The following WDFY3 variants were observed in gnomAD, a reference collection of about 807,000 sequenced individuals.
The protein encoded by WDFY3 is WD repeat and FYVE domain containing 3.
WDFY3 carries 66 observed loss-of-function variants against 409.6 expected under a neutral mutation model. The ratio of observed to expected loss-of-function variants is 0.16; its 90% CI spans 0.13 to 0.20. WDFY3 has a LOEUF of 0.20. WDFY3 is among the 10% of genes least tolerant of loss of function. WDFY3 has a pLI of 1.00. For synonymous variants in WDFY3, 1,521 were observed against 1,537.1 expected, an observed-to-expected ratio of 0.99 and a Z score of 0.25; for missense variants, 3,031 against 4,298.1, an observed-to-expected ratio of 0.71 and a Z score of 8.24.
intron 1 of WDFY3, among the ~76,000 whole-genome samples, chr4:84,932,930 T>G (rs1229357801): frequency 1.3e-5 from 2 of 152,196 alleles, no homozygotes; most frequent in African/African-American, 4.8e-5. Context: ...TCCTTTCATT[T>G]ACCAGTCAAT....
At chr4:84,795,767 G>GAA (rs1265681962) in intron 19 of WDFY3, among the ~76,000 whole-genome samples, 1 of 132,556 alleles carries the variant, frequency 7.5e-6, no homozygotes, top group African/African-American at 2.7e-5. Flanking sequence ...GACTCAAAAG[G>GAA]AAAAAAAAAA....
Position 84,850,043 on chromosome 4 carries a change from C to G in WDFY3, c.181-18G>C. 6.4e-7 allele frequency: 1 copy of G among 1,562,084 alleles called. No homozygotes were observed. Among genetic ancestry groups the G allele is most frequent in the Non-Finnish European group, 8.6e-7 (1 of 1,157,064 alleles). On this transcript the variant is annotated intron_variant, in intron 4 of 67. Transcript: ENST00000295888. ...CCAAAAACCTGTAGATAAGAAAAGA[C>G]ATTGTTAATGAAGCACTGACAAATT...
chr4:84,909,625 C>A (rs1014207086), intron 2 of WDFY3, among the ~76,000 whole-genome samples: 2 of 151,870 alleles, frequency 1.3e-5, no homozygotes, highest in African/African-American at 4.8e-5. Flanking sequence ...AAAATTATTC[C>A]TTATAAAATA....
intron 1 of WDFY3, among the ~76,000 whole-genome samples, chr4:84,961,059 G>A (rs1774853884): frequency 2.0e-5 from 3 of 151,720 alleles, no homozygotes; most frequent in Admixed American, 1.3e-4. Flanking sequence ...TACTAAAAAT[G>A]CAAAAATTAG....
intron 3 of WDFY3, among the ~76,000 whole-genome samples, chr4:84,883,315 T>TA (rs1763788028): frequency 6.6e-6 from 1 of 152,166 alleles, no homozygotes; most frequent in African/African-American, 2.4e-5. Context: ...ATATATTAGG[T>TA]AAATCTATCT....
chr4:84,786,925 G>C (rs969330876), intron 23 of WDFY3, among the ~76,000 whole-genome samples: 1 of 152,126 alleles, frequency 6.6e-6, no homozygotes, highest in African/African-American at 2.4e-5. Flanking sequence ...GAGATTCTTG[G>C]TGGAATCAGA....
intron 2 of WDFY3, among the ~76,000 whole-genome samples, chr4:84,902,638 A>G (rs1223385006): frequency 6.6e-6 from 1 of 152,194 alleles, no homozygotes; most frequent in Non-Finnish European, 1.5e-5. Flanking sequence ...GTACATCCCA[A>G]AGTCCCTAGC....
chr4:84,813,255 C>T (rs928953673), intron 13 of WDFY3, among the ~76,000 whole-genome samples: 11 of 152,052 alleles, frequency 7.2e-5, no homozygotes, highest in Admixed American at 5.9e-4. Flanking sequence ...TGGCTCTCAG[C>T]GCTACTTTTT....
At chr4:84,696,409 C>T (rs566922140) in intron 57 of WDFY3, among the ~76,000 whole-genome samples, 1 of 152,282 alleles carries the variant, frequency 6.6e-6, no homozygotes, top group South Asian at 2.1e-4. Flanking sequence ...ACAGAGATCA[C>T]ATTCACATAG....
At chr4:84,919,734 C>T (rs564245218) in intron 2 of WDFY3, among the ~76,000 whole-genome samples, 49 of 152,258 alleles carry the variant, frequency 3.2e-4, no homozygotes, top group African/African-American at 1.0e-3. Flanking sequence ...CCCCTTCCAC[C>T]ATGATTGTAA....
intron 3 of WDFY3, among the ~76,000 whole-genome samples, chr4:84,880,674 C>CACACAT (rs1218696740): frequency 3.6e-4 from 18 of 50,358 alleles, no homozygotes; most frequent in Non-Finnish European, 5.4e-4. Context: ...GGGAACCATA[C>CACACAT]ATATATATAT....
chr4:84,747,711 T>G lies in WDFY3; in HGVS notation c.5973+3772A>C, dbSNP rs1004751768. ...TGATAGTGAGTGAGTTCTCATGAGA[T>G]CTGATGGTTTTATAAGGGGGTTTTC... On this transcript the variant is annotated intron_variant, in intron 36 of 67. Coordinates refer to ENST00000295888, the MANE Select transcript of WDFY3 (RefSeq NM_014991.6). Among the ~76,000 whole-genome samples, 60 of 152,026 alleles carry G rather than the reference T, an allele frequency of 3.9e-4. 1 individual carries two copies. The highest frequency in any genetic ancestry group is 3.7e-3 in the Admixed American group (57 of 15,270).
intron 3 of WDFY3, among the ~76,000 whole-genome samples, chr4:84,895,855 T>C (rs1388863476): frequency 6.6e-5 from 10 of 152,024 alleles, no homozygotes; most frequent in Admixed American, 5.9e-4. Flanking sequence ...GAATTCCAGG[T>C]TGGGTGATAC....
At chr4:84,767,632 A>G (rs1334462408) in intron 30 of WDFY3, among the ~76,000 whole-genome samples, 10 of 152,110 alleles carry the variant, frequency 6.6e-5, no homozygotes, top group South Asian at 2.1e-4. Context: ...ATAAAAAAAA[A>G]AAAAGAAAAG....
chr4:84,737,391 CAAA>C, intron 40 of WDFY3, 25 bp from the exon 41 acceptor site: 1 of 1,521,002 alleles, frequency 6.6e-7, no homozygotes, highest in Non-Finnish European at 8.8e-7. Flanking sequence ...AACAAACAAA[CAAA>C]AAAGTAAGCA....
chr4:84,678,140 G>C (rs1443606415), intron 66 of WDFY3, 28 bp downstream of exon 66: 6 of 1,570,386 alleles, frequency 3.8e-6, no homozygotes, highest in Admixed American at 1.7e-5. Context: ...CAGATGGGAA[G>C]CGGAGCTGGA....
At chr4:84,860,203 A>T (rs1208120716) in intron 4 of WDFY3, among the ~76,000 whole-genome samples, 1 of 152,214 alleles carries the variant, frequency 6.6e-6, no homozygotes, top group African/African-American at 2.4e-5. Context: ...TAAAAATCAA[A>T]AAGTCTCACT....
chr4:84,771,978 T>C (rs1240014999), intron 30 of WDFY3, among the ~76,000 whole-genome samples: 1 of 152,154 alleles, frequency 6.6e-6, no homozygotes, highest in Non-Finnish European at 1.5e-5. Context: ...CACTTTCTCC[T>C]ACTCATGAAG....
In WDFY3 at chr4:84,692,995, C is replaced by T. The variant is rs1729510446; in HGVS notation, c.8939G>A (p.Ser2980Asn). The change falls in exon 59 of 68, where the codon AGT (serine) becomes AAT (asparagine). Residue 2980 changes from serine to asparagine, a missense_variant. Physicochemically the swap from Ser to Asn is conservative, Grantham distance 46. Around this residue, in one of 16 missense-constraint regions of WDFY3, gnomAD observed 152 missense variants for 193.5 expected, o/e 0.79. Transcript: ENST00000295888. Reference sequence around the variant, plus strand: ...TCCTGCATTGTCTCCATTGAGTCGACTTCTCACTCGCTTTGGTGGATGAGG... The same window carrying T: ...TCCTGCATTGTCTCCATTGAGTCGATTTCTCACTCGCTTTGGTGGATGAGG... ...KKPHPPKRVR[S>N]RLNGDNAGIS... 2 of 1,611,466 alleles carry T rather than the reference C, an allele frequency of 1.2e-6. No individual in the cohort carries two copies.
Sources: allele counts gnomAD v4.1 joint callset (sites outside exome capture counted in the v4.1 genomes callset), GRCh38; gene constraint gnomAD v4.1.1; regional missense constraint gnomAD v4.1.1; transcripts MANE v1.5; gene names NCBI Gene and HGNC (gene_info 2026-07-23, HGNC 2026-07-21).